The following PDE9A variants were observed in gnomAD, a reference collection of about 807,000 sequenced individuals.
PDE9A encodes the protein high affinity cGMP-specific 3',5'-cyclic phosphodiesterase 9A.
In PDE9A, 60 loss-of-function variants were observed where a neutral mutation model predicts 87.4. The ratio of observed to expected loss-of-function variants is 0.69; its 90% confidence interval spans 0.56 to 0.85. The LOEUF is 0.85. Among genes scored for constraint, PDE9A ranks in the 40% least tolerant of loss-of-function variants. PDE9A has a pLI of 0.00. For synonymous variants in PDE9A, 272 were observed against 279.4 expected (o/e 0.97, Z 0.27); for missense variants, 665 against 779.0 (o/e 0.85, Z 1.74).
In PDE9A at chr21:42,771,278, C is replaced by A. The variant is rs2057003249; in HGVS notation, c.1686+480C>A. On this transcript the variant is annotated intron_variant, in intron 18 of 19. Transcript: ENST00000291539. ...GCCCAGAACACACACCGGCACCTCT[C>A]AGGGGCCAGGGAGCCTGGGGCTGGC... Among the ~76,000 whole-genome samples, 10 of 152,218 alleles carry A rather than the reference C, an allele frequency of 6.6e-5. No homozygotes were observed. The South Asian group carries it at 2.1e-3, about 32-fold the overall frequency.
In PDE9A at chr21:42,704,403, G is replaced by A. The variant is rs370628147; in HGVS notation, c.262+5392G>A. Among the ~76,000 whole-genome samples, 13 of 146,070 alleles carry A rather than the reference G, an allele frequency of 8.9e-5. No individual in the cohort carries two copies. The East Asian group carries it at 1.3e-3, about 14-fold the overall frequency. Reference sequence around the variant, plus strand: ...AGGCTTTTCTTTAGGAGACAAAGTCGGTGTCAGGTAGACCCCCCCCACCCC... The same window carrying A: ...AGGCTTTTCTTTAGGAGACAAAGTCAGTGTCAGGTAGACCCCCCCCACCCC... On this transcript the variant is annotated intron_variant, in intron 4 of 19. Transcript: ENST00000291539. The surrounding 1 kb of genome is among the most constrained non-coding windows in gnomAD (Gnocchi z 5.3).
rs2055439902 is a variant in PDE9A at position 42,759,453 on chromosome 21, G to T, written c.897+368G>T. Among the ~76,000 whole-genome samples the T allele has an allele frequency of 6.6e-6, 1 of 150,756 alleles. No homozygotes were observed. On this transcript the variant is annotated intron_variant, in intron 11 of 19. Coordinates refer to ENST00000291539, the MANE Select transcript of PDE9A (RefSeq NM_002606.3). This position sits in a 1 kb window ranked among gnomAD's most constrained non-coding sequence, Gnocchi z 7.2. The stretch of plus-strand genomic sequence containing the variant: ...GGGGTGTGGATGTGAGTGTGTGTGA[G>T]TGTGGGGTGTGGATGTGAGCATGGG...
Position 42,772,494 on chromosome 21 carries a change from G to T in PDE9A, c.1742G>T (p.Arg581Ile), listed in dbSNP as rs775619717. The change falls in exon 19 of 20, where the codon AGA (arginine) becomes ATA (isoleucine). Residue 581 changes from arginine (R) to isoleucine (I), a missense_variant. Transcript: ENST00000291539. ...TSGATEKSRE[R>I]SRDVKNSEGD... ...GGGGCCACCGAGAAGTCCAGAGAGAGAAGCAGAGATGTGAAAAACAGTGAA... is the reference window on the plus strand; with the variant it reads ...GGGGCCACCGAGAAGTCCAGAGAGATAAGCAGAGATGTGAAAAACAGTGAA... The T allele has an allele frequency of 1.2e-5, 20 of 1,609,248 alleles. No individual in the cohort carries two copies. Among genetic ancestry groups the T allele is most frequent in the Non-Finnish European group, 1.5e-5 (18 of 1,177,918 alleles).
At chr21:42,753,003 C>T (rs1385492503) in intron 9 of PDE9A, among the ~76,000 whole-genome samples, 2 of 124,494 alleles carry the variant, frequency 1.6e-5, no homozygotes, top group African/African-American at 5.5e-5. Context: ...CACTTTATTG[C>T]CCTTTTTTTA....
At chr21:42,668,891 T>TCCCCCCCCCCCC (rs1569112468) in intron 1 of PDE9A, among the ~76,000 whole-genome samples, 1 of 108,778 alleles carries the variant, frequency 9.2e-6, no homozygotes, top group African/African-American at 4.9e-5. Flanking sequence ...TCAGAGCTGC[T>TCCCCCCCCCCCC]CCCTCCACCC....
In PDE9A at chr21:42,702,230, C is replaced by T. The variant is rs2048441193; in HGVS notation, c.262+3219C>T. Among the ~76,000 whole-genome samples the T allele has an allele frequency of 6.6e-6, 1 of 151,958 alleles. No individual in the cohort carries two copies. Among genetic ancestry groups the T allele is most frequent in the African/African-American group, 2.4e-5 (1 of 41,360 alleles). ...TCTTCCATTGCACTGGTCTTCCCTC[C>T]TGCAGTATCTAGTCTGCTGTTAATC... On this transcript the variant is annotated intron_variant, in intron 4 of 19. Transcript: ENST00000291539. This position sits in a 1 kb window ranked among gnomAD's most constrained non-coding sequence, Gnocchi z 4.9.
intron 7 of PDE9A, 134 bp downstream of exon 7, chr21:42,733,560 A>G (rs1181402316): frequency 9.3e-6 from 6 of 647,168 alleles, no homozygotes; most frequent in Admixed American, 8.0e-5. Flanking sequence ...AATACTTGAA[A>G]ATTACCTTTG....
intron 2 of PDE9A, among the ~76,000 whole-genome samples, chr21:42,686,672 G>C (rs1307838793): frequency 6.6e-6 from 1 of 152,056 alleles, no homozygotes; most frequent in Non-Finnish European, 1.5e-5. Context: ...AAAATTAGCC[G>C]GGCGTGGTGG....
chr21:42,753,914 G>A, intron 9 of PDE9A, 76 bp from the exon 10 acceptor site: 1 of 716,196 alleles, frequency 1.4e-6, no homozygotes, highest in Non-Finnish European at 2.4e-6. Flanking sequence ...GGAGAAAGAG[G>A]AGAAATATCT....
intron 8 of PDE9A, among the ~76,000 whole-genome samples, chr21:42,745,948 G>A (rs1318004206): frequency 2.0e-5 from 3 of 152,240 alleles, no homozygotes. Flanking sequence ...TGTGTCTGGA[G>A]CCAGGCCATG....
rs529257977 is a variant in PDE9A, at chr21:42,753,260, CT to C, written c.736-728del. On this transcript the variant is annotated intron_variant, in intron 9 of 19. Transcript: ENST00000291539. ...ACCTCAGGTGATCCGCTCGCCTCGG[CT>C]TCCCAAAGCACTGGGATTACAAGCA... 4.4e-3 allele frequency among the ~76,000 whole-genome samples: 674 copies of C among 152,320 alleles called. 3 individuals are homozygous for C. Among genetic ancestry groups the C allele is most frequent in the African/African-American group, 0.015 (627 of 41,564 alleles).
rs150845445 is a variant in PDE9A, at chr21:42,657,166, G to A, written c.69+3283G>A. 3.7e-4 allele frequency among the ~76,000 whole-genome samples: 56 copies of A among 152,338 alleles called. 1 individual carries two copies. The East Asian group carries it at 9.6e-3, about 26-fold the overall frequency. On this transcript the variant is annotated intron_variant, in intron 1 of 19. Coordinates refer to ENST00000291539, the MANE Select transcript of PDE9A (RefSeq NM_002606.3). ...AGGAGCCCTTTGTGCAGAACTGGTA[G>A]CCATGAGGATGGCCTGGTGAGAAGC... is the stretch of plus-strand genomic sequence containing the variant.
At chr21:42,761,234 G>T (rs1037986296) in intron 13 of PDE9A, among the ~76,000 whole-genome samples, 1 of 152,258 alleles carries the variant, frequency 6.6e-6, no homozygotes, top group Non-Finnish European at 1.5e-5. Context: ...ACACCTGTCC[G>T]CATGCAGGGA....
chr21:42,674,933 G>A (rs1457681316), intron 1 of PDE9A, among the ~76,000 whole-genome samples: 3 of 152,232 alleles, frequency 2.0e-5, no homozygotes, highest in African/African-American at 7.2e-5. Flanking sequence ...TCCAGAGCTA[G>A]AGAACTTTTT....
At chr21:42,763,045 G>A (rs2147123671) in intron 14 of PDE9A, among the ~76,000 whole-genome samples, 1 of 152,262 alleles carries the variant, frequency 6.6e-6, no homozygotes, top group African/African-American at 2.4e-5. Context: ...CGTGATGGGA[G>A]GAGAGTGAGA....
At chr21:42,689,085 C>T (rs1282394700) in intron 3 of PDE9A, among the ~76,000 whole-genome samples, 2 of 149,046 alleles carry the variant, frequency 1.3e-5, no homozygotes, top group East Asian at 4.0e-4. Flanking sequence ...GCGAGGTCCT[C>T]GTGGGTGTGG....
rs139069418 is a variant in PDE9A, at chr21:42,745,005, A to T, written c.653+1145A>T. ...CCCCAGAGTGCCACTGCCCGGCCTCAGTGGGATTTAATGGGGACTAATGGA... is the reference window on the plus strand; with the variant it reads ...CCCCAGAGTGCCACTGCCCGGCCTCTGTGGGATTTAATGGGGACTAATGGA... On this transcript the variant is annotated intron_variant, in intron 8 of 19. Coordinates refer to ENST00000291539, the MANE Select transcript of PDE9A (RefSeq NM_002606.3). Among the ~76,000 whole-genome samples the T allele has an allele frequency of 7.2e-5, 11 of 152,338 alleles. No homozygotes were observed. In the East Asian group the frequency reaches 2.1e-3, roughly 29 times the overall value.
chr21:42,725,706 G>A (rs1188453725), intron 4 of PDE9A, among the ~76,000 whole-genome samples: 4 of 152,132 alleles, frequency 2.6e-5, no homozygotes, highest in South Asian at 2.1e-4. Flanking sequence ...GTCATACTCC[G>A]CGGTATGGAT....
chr21:42,673,849 C>T (rs541376963), intron 1 of PDE9A, among the ~76,000 whole-genome samples: 3 of 152,330 alleles, frequency 2.0e-5, no homozygotes, highest in East Asian at 1.9e-4. Context: ...CCCTGCGACT[C>T]GCTGGCCTGC....
Sources: allele counts gnomAD v4.1 joint callset (sites outside exome capture counted in the v4.1 genomes callset), GRCh38; gene constraint gnomAD v4.1.1; non-coding constraint Gnocchi (gnomAD v3.1); transcripts MANE v1.5; gene names NCBI Gene and HGNC (gene_info 2026-07-23, HGNC 2026-07-21).